PPHLN1: variants seen among roughly 807,000 people sequenced by gnomAD.
PPHLN1 encodes the protein periphilin-1.
PPHLN1 carries 29 observed loss-of-function variants against 51.3 expected under a neutral mutation model. The observed-to-expected ratio is 0.57, with a 90% CI of 0.42 to 0.77. The LOEUF (loss-of-function observed/expected upper bound fraction) is 0.77, where lower values mean the gene tolerates loss of function less well. Among genes scored for constraint, PPHLN1 ranks in the 30% least tolerant of loss-of-function variants. PPHLN1 has a pLI of 0.00. For synonymous variants in PPHLN1, 147 were observed against 147.8 expected (o/e 0.99, Z 0.04); for missense variants, 436 against 438.4 (o/e 0.99, Z 0.05).
downstream of PPHLN1, chr12:42,443,207 C>G (rs141866223): frequency 7.9e-3 from 1,208 of 153,784 alleles, 7 homozygotes; most frequent in Middle Eastern, 0.017. Flanking sequence ...CCCTGAGCCC[C>G]CTCCCCCAAT....
chr12:42,422,609 A>G (rs112384361), intron 9 of PPHLN1, among the ~76,000 whole-genome samples: 2 of 152,356 alleles, frequency 1.3e-5, no homozygotes, highest in African/African-American at 4.8e-5. Context: ...TTACTAACCA[A>G]AAAAGTTACA....
At chr12:42,445,061 C>A (rs965469368), downstream of PPHLN1, 10 of 702,196 alleles carry the variant, frequency 1.4e-5, no homozygotes, top group African/African-American at 1.6e-4. Context: ...TTGAAACAGC[C>A]CTCATTAAGT....
At chr12:42,388,500 C>T (rs1274487983) in intron 7 of PPHLN1, among the ~76,000 whole-genome samples, 1 of 152,196 alleles carries the variant, frequency 6.6e-6, no homozygotes, top group Non-Finnish European at 1.5e-5. Context: ...TCTCCTACTG[C>T]ATTCCTCTTG....
chr12:42,338,020 G>A (rs2070944366), intron 2 of PPHLN1, among the ~76,000 whole-genome samples: 1 of 152,102 alleles, frequency 6.6e-6, no homozygotes, highest in Admixed American at 6.6e-5. Flanking sequence ...CTGACCTCAA[G>A]TGATCCACCC....
At chr12:42,366,221 A>G (rs2075252973) in intron 4 of PPHLN1, among the ~76,000 whole-genome samples, 1 of 131,720 alleles carries the variant, frequency 7.6e-6, no homozygotes, top group African/African-American at 3.0e-5. Context: ...CTAGTACCGG[A>G]CACTTTTTTT....
intron 9 of PPHLN1, among the ~76,000 whole-genome samples, chr12:42,420,665 T>TCCCCC (rs2080913323): frequency 1.8e-4 from 6 of 32,638 alleles, no homozygotes; most frequent in South Asian, 1.8e-3. Context: ...CCTCCTTCCC[T>TCCCCC]CCCGCCCTCC....
chr12:42,358,715 CT>C (rs1459690707), intron 4 of PPHLN1, among the ~76,000 whole-genome samples: 1 of 152,150 alleles, frequency 6.6e-6, no homozygotes, highest in Non-Finnish European at 1.5e-5. Context: ...CAAATTGAAT[CT>C]TTTTAATGGT....
intron 1 of PPHLN1, among the ~76,000 whole-genome samples, chr12:42,334,966 C>T (rs560764676): frequency 1.3e-5 from 2 of 152,216 alleles, no homozygotes; most frequent in East Asian, 1.9e-4. Flanking sequence ...CCTACAAGGC[C>T]GAAAATATTT....
At chr12:42,372,173 T>G (rs1475589088) in intron 4 of PPHLN1, among the ~76,000 whole-genome samples, 1 of 152,210 alleles carries the variant, frequency 6.6e-6, no homozygotes, top group Admixed American at 6.5e-5. Flanking sequence ...TATTACCACT[T>G]TATCAAAAAG....
intron 9 of PPHLN1, among the ~76,000 whole-genome samples, chr12:42,415,185 T>G (rs1317726842): frequency 6.6e-6 from 1 of 152,206 alleles, no homozygotes; most frequent in Non-Finnish European, 1.5e-5. Context: ...TTATTTGTAT[T>G]TTTTGAGACG....
At chr12:42,396,957 G>GAA (rs2078282701) in intron 8 of PPHLN1, among the ~76,000 whole-genome samples, 1 of 150,812 alleles carries the variant, frequency 6.6e-6, no homozygotes, top group African/African-American at 2.4e-5. Context: ...AGAGGATCTT[G>GAA]CTTCTGGATG....
chr12:42,382,982 C>T (rs571283351), intron 5 of PPHLN1, among the ~76,000 whole-genome samples: 6 of 151,486 alleles, frequency 4.0e-5, no homozygotes. Flanking sequence ...ACAAAAAAAA[C>T]AAACAAACCC....
At position 42,369,828 on chromosome 12, in the gene PPHLN1, C is replaced by T. The variant is rs746930883; in HGVS notation, c.300-5035C>T. Among the ~76,000 whole-genome samples, 7 of 152,298 alleles carry T rather than the reference C, an allele frequency of 4.6e-5. No homozygotes were observed. The East Asian group carries it at 1.3e-3, about 29-fold the overall frequency. ...TTTCCACGTCAACTTTGAACGTCCT[C>T]ATTTACACCACCCTGTCTTATTGTA... is the stretch of plus-strand genomic sequence containing the variant. On this transcript the variant is annotated intron_variant, in intron 4 of 9. Transcript: ENST00000358314.
At chr12:42,445,368 T>TC (rs1420056447), downstream of PPHLN1, 1 of 491,088 alleles carries the variant, frequency 2.0e-6, no homozygotes, top group African/African-American at 2.0e-5. Flanking sequence ...CACAGGCACG[T>TC]CCCCTCCTTC....
chr12:42,351,522 C>G (rs1829719375), intron 2 of PPHLN1: 1 of 156,264 alleles, frequency 6.4e-6, no homozygotes. Flanking sequence ...AATATGAGAG[C>G]TGTCTTACAT....
chr12:42,436,514 A>G (rs1190396695), intron 9 of PPHLN1, among the ~76,000 whole-genome samples: 1 of 152,208 alleles, frequency 6.6e-6, no homozygotes, highest in Non-Finnish European at 1.5e-5. Context: ...ACTACTTAGT[A>G]CTGAACTTAT....
At position 42,363,391 on chromosome 12, in the gene PPHLN1, A is replaced by G. The variant is rs7955802; in HGVS notation, c.299+8169A>G. ...GGTGGGTGTTACAGGGCCACCTTGC[A>G]TTCACACCATCTTCCACAGGCCTAT... On this transcript the variant is annotated intron_variant, in intron 4 of 9. Coordinates refer to ENST00000358314, the MANE Select transcript of PPHLN1 (RefSeq NM_201439.2). 1.8e-4 allele frequency among the ~76,000 whole-genome samples: 28 copies of G among 151,596 alleles called. 1 individual carries two copies. Among genetic ancestry groups the G allele is most frequent in the Admixed American group, 1.6e-3 (25 of 15,224 alleles).
chr12:42,331,476 C>T (rs1323463833), intron 1 of PPHLN1, among the ~76,000 whole-genome samples: 3 of 152,198 alleles, frequency 2.0e-5, no homozygotes, highest in Non-Finnish European at 4.4e-5. Flanking sequence ...TGCAAGTCCT[C>T]CATAATCTCT....
At chr12:42,418,816 AAG>A (rs1167165595) in intron 9 of PPHLN1, among the ~76,000 whole-genome samples, 1 of 152,132 alleles carries the variant, frequency 6.6e-6, no homozygotes, top group Non-Finnish European at 1.5e-5. Context: ...TCCAGCTAAA[AAG>A]AGAGTTTCCT....
Sources: allele counts gnomAD v4.1 joint callset (sites outside exome capture counted in the v4.1 genomes callset), GRCh38; gene constraint gnomAD v4.1.1; transcripts MANE v1.5; gene names NCBI Gene and HGNC (gene_info 2026-07-23, HGNC 2026-07-21).